Variants in TBX21 observed in about 807,000 individuals in gnomAD.
TBX21 encodes T-box transcription factor TBX21.
A neutral mutation model predicts 52.2 loss-of-function variants in TBX21; 11 were observed. That is an observed-to-expected ratio of 0.21 (90% confidence interval 0.13 to 0.35). The LOEUF is 0.35. Ranked by LOEUF, TBX21 falls within the 10% of genes least tolerant of loss-of-function variation. The probability of loss-of-function intolerance (pLI) is 1.00; values close to 1 mark genes in which losing one functional copy is unlikely to be tolerated. For synonymous variants in TBX21, 300 were observed against 316.1 expected (o/e 0.95, Z 0.54); for missense variants, 625 against 755.1 (o/e 0.83, Z 2.02).
chr17:47,734,469 G>A (rs1185860307), intron 1 of TBX21, among the ~76,000 whole-genome samples: 1 of 152,032 alleles, frequency 6.6e-6, no homozygotes, highest in Non-Finnish European at 1.5e-5. Context: ...GGTGGTGTGT[G>A]TGTACGGGGG....
intron 1 of TBX21, among the ~76,000 whole-genome samples, chr17:47,736,951 TCCCACCCAC>T (rs1340372774): frequency 1.3e-5 from 2 of 152,004 alleles, no homozygotes; most frequent in East Asian, 3.9e-4. Flanking sequence ...ATTCTTCCTC[TCCCACCCAC>T]CCTGGATCTA....
chr17:47,733,704 G>T lies in TBX21; in HGVS notation c.250G>T (p.Ala84Ser). The change falls in exon 1 of 6, where the codon GCC (alanine) becomes TCC (serine). Residue 84 changes from alanine to serine, a missense_variant. Ala to Ser is a moderately conservative substitution (Grantham distance 99). This residue lies in a region of TBX21 where 221 missense variants were observed against 204.9 expected (regional missense o/e 1.08). Transcript: ENST00000177694. The surrounding 1 kb of genome is among the most constrained non-coding windows in gnomAD (Gnocchi z 6.6). ...AYAYPPRPQA[A>S]GFPGAGESFP... ...CGCCTACCCGCCGCGACCCCAGGCG[G>T]CCGGCTTCCCCGGCGCGGGCGAGTC... 7.0e-7 allele frequency: 1 copy of T among 1,418,886 alleles called. No individual in the cohort carries two copies. The highest frequency in any genetic ancestry group is 9.2e-7 in the Non-Finnish European group (1 of 1,087,202). 87.9% of individuals were successfully genotyped at this position (1,418,886 alleles called of 1,614,324 possible).
rs759129484 is a variant in TBX21 at position 47,742,599 on chromosome 17, C to T, written c.492-11C>T. 3 of 1,593,380 alleles carry T rather than the reference C, an allele frequency of 1.9e-6. No individual in the cohort carries two copies. Among genetic ancestry groups the T allele is most frequent in the Non-Finnish European group, 2.6e-6 (3 of 1,167,666 alleles). Reference sequence around the variant, plus strand: ...CTGATGGGTGCTGGGGGCTTTCTCTCTTCTCTCCAGGCGGATGTTCCCATT... The same window carrying T: ...CTGATGGGTGCTGGGGGCTTTCTCTTTTCTCTCCAGGCGGATGTTCCCATT... On this transcript the variant is annotated splice_polypyrimidine_tract_variant and intron_variant, in intron 1 of 5. Coordinates refer to ENST00000177694, the MANE Select transcript of TBX21 (RefSeq NM_013351.2). The surrounding 1 kb of genome is among the most constrained non-coding windows in gnomAD (Gnocchi z 4.4).
Position 47,742,840 on chromosome 17 carries a change from A to G in TBX21, c.646+76A>G. ...CCCCTGGTGGGCCCACCAAGCCCCT[A>G]CCCCTAATTCCTAGACCTTTAACCC... On this transcript the variant is annotated intron_variant, in intron 2 of 5. Coordinates refer to ENST00000177694, the MANE Select transcript of TBX21 (RefSeq NM_013351.2). The surrounding 1 kb of genome is among the most constrained non-coding windows in gnomAD (Gnocchi z 4.4). 6.7e-7 allele frequency: 1 copy of G among 1,493,048 alleles called. No individual in the cohort carries two copies. The allele number at this position is 1,493,048 out of a possible 1,614,324, so 92.5% of individuals were successfully genotyped here.
At chr17:47,734,369 C>T (rs1409254584) in intron 1 of TBX21, among the ~76,000 whole-genome samples, 2 of 152,142 alleles carry the variant, frequency 1.3e-5, no homozygotes, top group African/African-American at 2.4e-5. Context: ...CCCTTATCTC[C>T]GGGCCCCCTG....
intron 1 of TBX21, among the ~76,000 whole-genome samples, chr17:47,741,877 G>A (rs2032269950): frequency 6.6e-6 from 1 of 152,068 alleles, no homozygotes; most frequent in African/African-American, 2.4e-5. Flanking sequence ...GATCCCTGTG[G>A]TGTAAATACT....
At chr17:47,734,542 GATC>G (rs2032180695) in intron 1 of TBX21, among the ~76,000 whole-genome samples, 1 of 147,082 alleles carries the variant, frequency 6.8e-6, no homozygotes, top group South Asian at 2.1e-4. Flanking sequence ...CTTACTTTGA[GATC>G]ATATGTCTGG....
intron 2 of TBX21, 23 bp from the exon 3 acceptor site, chr17:47,743,048 T>A: frequency 6.2e-7 from 1 of 1,613,382 alleles, no homozygotes; most frequent in Non-Finnish European, 8.5e-7. Flanking sequence ...GGGCTGCATG[T>A]CAAAGAGGTG....
At chr17:47,735,292 C>T (rs577304034) in intron 1 of TBX21, among the ~76,000 whole-genome samples, 2 of 152,278 alleles carry the variant, frequency 1.3e-5, no homozygotes, top group Admixed American at 6.5e-5. Flanking sequence ...CCACAACTGG[C>T]TTCAAGTTAC....
At position 47,745,309 on chromosome 17, in the gene TBX21, C is replaced by T; in HGVS notation, c.1551C>T (p.Ala517=). Residue 517 remains alanine (A), a synonymous_variant, in exon 6 of 6, where the codon GCC becomes GCT. Transcript: ENST00000177694. ...GTGACAGCTCCTCCCCTGCTGGGGC[C>T]CCTTCTCCTTTTGATAAGGAAGCTG... ...SSGDSSSPAG[A]PSPFDKEAEG... is the part of the protein sequence containing the mutation. 2 of 1,611,672 alleles carry T rather than the reference C, an allele frequency of 1.2e-6. No homozygotes were observed. The highest frequency in any genetic ancestry group is 1.7e-6 in the Non-Finnish European group (2 of 1,179,334).
At chr17:47,736,370 G>T (rs2032206799) in intron 1 of TBX21, among the ~76,000 whole-genome samples, 2 of 151,910 alleles carry the variant, frequency 1.3e-5, no homozygotes, top group African/African-American at 4.8e-5. Context: ...TTTTATCTCT[G>T]CACCTCTAAA....
Position 47,733,702 on chromosome 17 carries a change from C to A in TBX21, c.248C>A (p.Ala83Glu). 2.1e-6 allele frequency: 3 copies of A among 1,419,244 alleles called. No individual in the cohort carries two copies. The highest frequency in any genetic ancestry group is 2.8e-6 in the Non-Finnish European group (3 of 1,087,474). 87.9% of individuals were successfully genotyped at this position (1,419,244 alleles called of 1,614,324 possible). A position where few individuals can be genotyped will look rare whatever the true frequency, so the allele number is the denominator to read the frequency against. Residue 83 changes from alanine to glutamate, a missense_variant, in exon 1 of 6, where the codon GCG becomes GAG. By Grantham distance (107) the Ala-to-Glu change is moderately radical. Around this residue, in one of 4 missense-constraint regions of TBX21, gnomAD observed 221 missense variants for 204.9 expected, o/e 1.08. Coordinates refer to ENST00000177694, the MANE Select transcript of TBX21 (RefSeq NM_013351.2). This position sits in a 1 kb window ranked among gnomAD's most constrained non-coding sequence, Gnocchi z 6.6. ...TACGCCTACCCGCCGCGACCCCAGGCGGCCGGCTTCCCCGGCGCGGGCGAG... is the reference window on the plus strand; with the variant it reads ...TACGCCTACCCGCCGCGACCCCAGGAGGCCGGCTTCCCCGGCGCGGGCGAG... ...GAYAYPPRPQ[A>E]AGFPGAGESF... is the part of the protein sequence containing the mutation.
chr17:47,733,647 C>G lies in TBX21; in HGVS notation c.193C>G (p.Pro65Ala). 6.9e-7 allele frequency: 1 copy of G among 1,448,546 alleles called. No homozygotes were observed. Among genetic ancestry groups the G allele is most frequent in the South Asian group, 1.4e-5 (1 of 73,106 alleles). 89.7% of individuals were successfully genotyped at this position (1,448,546 alleles called of 1,614,324 possible). Reference sequence around the variant, plus strand: ...TCCCTACCCGGGGGGCGCCTTGGTGCCCGCCCCGCCGAGCCGCTTCCTTGG... The same window carrying G: ...TCCCTACCCGGGGGGCGCCTTGGTGGCCGCCCCGCCGAGCCGCTTCCTTGG... ...GSPYPGGALV[P>A]APPSRFLGAY... Residue 65 changes from proline (P) to alanine (A), a missense_variant, in exon 1 of 6, where the codon CCC becomes GCC. By Grantham distance (27) the Pro-to-Ala change is conservative. This residue lies in a region of TBX21 where 221 missense variants were observed against 204.9 expected (regional missense o/e 1.08). Transcript: ENST00000177694. This position sits in a 1 kb window ranked among gnomAD's most constrained non-coding sequence, Gnocchi z 6.6.
Position 47,745,135 on chromosome 17 carries a change from C to T in TBX21, c.1377C>T (p.Gly459=). Residue 459 remains glycine (G), a synonymous_variant, in exon 6 of 6, where the codon GGC becomes GGT. Transcript: ENST00000177694. ...RPMRTLPMEP[G]PGGSEGRGPE... ...TGCGGACTCTGCCCATGGAACCCGG[C>T]CCTGGAGGCTCAGAGGGACGGGGAC... is the stretch of plus-strand genomic sequence containing the variant. 1.2e-6 allele frequency: 2 copies of T among 1,614,162 alleles called. No individual in the cohort carries two copies. The highest frequency in any genetic ancestry group is 2.2e-5 in the East Asian group (1 of 44,884).
In TBX21 at chr17:47,742,901, G is replaced by C; in HGVS notation, c.646+137G>C. 14 of 1,481,394 alleles carry C rather than the reference G, an allele frequency of 9.5e-6. No homozygotes were observed. The highest frequency in any genetic ancestry group is 1.3e-5 in the Non-Finnish European group (14 of 1,113,876). 91.8% of individuals were successfully genotyped at this position (1,481,394 alleles called of 1,614,324 possible). Reference sequence around the variant, plus strand: ...CATCCCACGCCATTGCATCCCTCCTGTTTCTGGCTTCCTGCTTTGCTCTAG... The same window carrying C: ...CATCCCACGCCATTGCATCCCTCCTCTTTCTGGCTTCCTGCTTTGCTCTAG... On this transcript the variant is annotated intron_variant, in intron 2 of 5. Coordinates refer to ENST00000177694, the MANE Select transcript of TBX21 (RefSeq NM_013351.2). This position sits in a 1 kb window ranked among gnomAD's most constrained non-coding sequence, Gnocchi z 4.4.
At position 47,744,302 on chromosome 17, in the gene TBX21, T is replaced by C; in HGVS notation, c.876T>C (p.Phe292=). 1 of 1,614,230 alleles carries C rather than the reference T, an allele frequency of 6.2e-7. No homozygotes were observed. The highest frequency in any genetic ancestry group is 8.5e-7 in the Non-Finnish European group (1 of 1,180,046). ...AACNASNTHI[F]TFQETQFIAV... Reference sequence around the variant, plus strand: ...GCAACGCTTCCAACACGCATATCTTTACTTTCCAAGAAACCCAGTTCATTG... The same window carrying C: ...GCAACGCTTCCAACACGCATATCTTCACTTTCCAAGAAACCCAGTTCATTG... The change falls in exon 4 of 6, where the codon TTT becomes TTC. Residue 292 remains phenylalanine, a synonymous_variant. Coordinates refer to ENST00000177694, the MANE Select transcript of TBX21 (RefSeq NM_013351.2).
intron 1 of TBX21, among the ~76,000 whole-genome samples, chr17:47,737,012 C>T (rs564313458): frequency 8.5e-5 from 13 of 152,256 alleles, no homozygotes; most frequent in African/African-American, 2.4e-4. Context: ...CTCTTCCCAA[C>T]GGGCAGAAAT....
Position 47,733,546 on chromosome 17 carries a change from C to T in TBX21, c.92C>T (p.Pro31Leu). 6.7e-7 allele frequency: 1 copy of T among 1,489,982 alleles called. No homozygotes were observed. The highest frequency in any genetic ancestry group is 8.9e-7 in the Non-Finnish European group (1 of 1,126,758). 92.3% of individuals were successfully genotyped at this position (1,489,982 alleles called of 1,614,324 possible). A position where few individuals can be genotyped will look rare whatever the true frequency, so the allele number is the denominator to read the frequency against. The change falls in exon 1 of 6, where the codon CCG becomes CTG. Residue 31 changes from proline to leucine, a missense_variant. Pro to Leu is a moderately conservative substitution (Grantham distance 98, BLOSUM62 -3). Transcript: ENST00000177694. The surrounding 1 kb of genome is among the most constrained non-coding windows in gnomAD (Gnocchi z 6.6). ...SDEGRAPGAD[P>L]QHRYFYPEPG... ...GAGGGCCGGGCGCCTGGCGCCGACC[C>T]GCAGCACCGCTACTTCTACCCGGAG...
At chr17:47,735,410 A>G (rs1037881816) in intron 1 of TBX21, among the ~76,000 whole-genome samples, 1 of 151,580 alleles carries the variant, frequency 6.6e-6, no homozygotes, top group Non-Finnish European at 1.5e-5. Flanking sequence ...GCTCCCCCCA[A>G]CCCTAGTCAC....
Sources: allele counts gnomAD v4.1 joint callset (sites outside exome capture counted in the v4.1 genomes callset), GRCh38; gene constraint gnomAD v4.1.1; regional missense constraint gnomAD v4.1.1; non-coding constraint Gnocchi (gnomAD v3.1); transcripts MANE v1.5; gene names NCBI Gene and HGNC (gene_info 2026-07-23, HGNC 2026-07-21).